Variants in RNF150 observed in about 807,000 individuals in gnomAD.
The protein encoded by RNF150 is ring finger protein 150.
RNF150 carries 24 observed loss-of-function variants against 39.3 expected under a neutral mutation model. The ratio of observed to expected loss-of-function variants is 0.61; its 90% confidence interval spans 0.44 to 0.86. RNF150 has a LOEUF of 0.86. Ranked by LOEUF, RNF150 falls within the 40% of genes least tolerant of loss-of-function variation. RNF150 has a pLI of 0.00. For missense variants in RNF150, 502 were observed against 587.8 expected (o/e 0.85, Z 1.51); for synonymous variants, 255 against 227.3 (o/e 1.12, Z -1.10).
intron 1 of RNF150, among the ~76,000 whole-genome samples, chr4:141,202,074 G>C (rs910002403): frequency 1.3e-5 from 2 of 152,144 alleles, no homozygotes; most frequent in African/African-American, 4.8e-5. Context: ...ATAGTACCTT[G>C]AGCTTGGATT....
intron 6 of RNF150, among the ~76,000 whole-genome samples, chr4:140,907,054 T>G (rs1396652000): frequency 2.0e-5 from 3 of 152,212 alleles, no homozygotes; most frequent in Non-Finnish European, 4.4e-5. Flanking sequence ...ACTTCTCTCT[T>G]GAGTCTCCAA....
At chr4:141,197,131 A>T (rs1728213856) in intron 1 of RNF150, among the ~76,000 whole-genome samples, 1 of 152,208 alleles carries the variant, frequency 6.6e-6, no homozygotes, top group South Asian at 2.1e-4. Context: ...TGCTGTACAA[A>T]TGCCAGGCTG....
At chr4:141,170,013 C>A (rs1409735606) in intron 1 of RNF150, among the ~76,000 whole-genome samples, 1 of 152,044 alleles carries the variant, frequency 6.6e-6, no homozygotes, top group Non-Finnish European at 1.5e-5. Flanking sequence ...AAAATCCCAA[C>A]ATTAATATTT....
At chr4:140,871,707 A>G (rs1210407542) in intron 6 of RNF150, among the ~76,000 whole-genome samples, 1 of 152,148 alleles carries the variant, frequency 6.6e-6, no homozygotes, top group East Asian at 1.9e-4. Flanking sequence ...ACTCACTGCT[A>G]CCTACAGTGA....
chr4:140,870,751 GTC>G (rs1728902185), intron 6 of RNF150, among the ~76,000 whole-genome samples: 1 of 152,080 alleles, frequency 6.6e-6, no homozygotes, highest in African/African-American at 2.4e-5. Context: ...GGCTTGCTGT[GTC>G]TCTAGTCTAC....
chr4:140,954,215 T>G (rs995922056), intron 2 of RNF150, among the ~76,000 whole-genome samples: 7 of 152,018 alleles, frequency 4.6e-5, no homozygotes, highest in Admixed American at 6.6e-5. Flanking sequence ...ATGCTTCTTC[T>G]TCTTATTATT....
At chr4:141,097,612 T>C (rs1206982300) in intron 1 of RNF150, among the ~76,000 whole-genome samples, 1 of 152,152 alleles carries the variant, frequency 6.6e-6, no homozygotes, top group Non-Finnish European at 1.5e-5. Context: ...CTAGATATTG[T>C]GCTGTTTTTC....
chr4:141,046,825 A>G (rs1365758880), intron 1 of RNF150, among the ~76,000 whole-genome samples: 1 of 152,176 alleles, frequency 6.6e-6, no homozygotes. Flanking sequence ...TTCTTTAGAA[A>G]CAGATATAAG....
chr4:140,985,062 TTC>T (rs1188917353), intron 1 of RNF150, among the ~76,000 whole-genome samples: 3 of 152,170 alleles, frequency 2.0e-5, no homozygotes, highest in Non-Finnish European at 4.4e-5. Context: ...CAAAAATTAC[TTC>T]TCTCTTTTTT....
In RNF150 at chr4:141,086,012, A is replaced by T. The variant is rs199772822; in HGVS notation, c.484+46313T>A. On this transcript the variant is annotated intron_variant, in intron 1 of 6. Transcript: ENST00000515673. ...GCTTAATGCTAATGGAGCTTAAACG[A>T]TAAGTGAGAAGAGTTACACACACAC... is the stretch of plus-strand genomic sequence containing the variant. 3.2e-4 allele frequency among the ~76,000 whole-genome samples: 47 copies of T among 145,034 alleles called. No individual in the cohort carries two copies. In the East Asian group the frequency reaches 8.9e-3, roughly 28 times the overall value.
At chr4:140,961,269 C>T (rs1733012856) in intron 2 of RNF150, among the ~76,000 whole-genome samples, 2 of 152,230 alleles carry the variant, frequency 1.3e-5, no homozygotes, top group African/African-American at 4.8e-5. Flanking sequence ...TTGAAATGAT[C>T]TTCTCCAGGT....
intron 1 of RNF150, among the ~76,000 whole-genome samples, chr4:141,114,456 G>T (rs1739484179): frequency 1.3e-5 from 2 of 152,200 alleles, no homozygotes; most frequent in South Asian, 4.2e-4. Context: ...AAATCAGGAA[G>T]AAGTCAAATC....
At chr4:140,871,770 T>C (rs564535037) in intron 6 of RNF150, among the ~76,000 whole-genome samples, 4 of 152,316 alleles carry the variant, frequency 2.6e-5, no homozygotes, top group East Asian at 1.9e-4. Flanking sequence ...GCAGATTCCA[T>C]AGATTCATTC....
At chr4:141,142,274 A>G (rs1489235997) in intron 1 of RNF150, among the ~76,000 whole-genome samples, 1 of 152,176 alleles carries the variant, frequency 6.6e-6, no homozygotes, top group Non-Finnish European at 1.5e-5. Context: ...TGTTGTTTAA[A>G]TGAAAAAGAC....
chr4:140,921,336 A>T (rs71608414), intron 5 of RNF150, among the ~76,000 whole-genome samples: 19,233 of 151,658 alleles, frequency 0.13, 1,426 homozygotes, highest in Admixed American at 0.21. Context: ...AATACTATAA[A>T]CACCTCTACA....
intron 1 of RNF150, among the ~76,000 whole-genome samples, chr4:141,144,016 C>T (rs1474701192): frequency 6.6e-6 from 1 of 152,114 alleles, no homozygotes; most frequent in African/African-American, 2.4e-5. Context: ...TTTTTATACT[C>T]TCTGCCACTG....
chr4:140,919,290 C>T (rs367580733), intron 5 of RNF150, among the ~76,000 whole-genome samples: 1,524 of 127,644 alleles, frequency 0.012, 21 homozygotes, highest in South Asian at 0.02. Flanking sequence ...GAAAACCCCA[C>T]TGTCTCAGCC....
At chr4:140,929,709 T>C (rs531642253) in intron 4 of RNF150, among the ~76,000 whole-genome samples, 1 of 152,228 alleles carries the variant, frequency 6.6e-6, no homozygotes, top group South Asian at 2.1e-4. Flanking sequence ...GGCTGTAGTA[T>C]AGTTCTTCAA....
chr4:141,170,037 C>T (rs1034907309), intron 1 of RNF150, among the ~76,000 whole-genome samples: 1 of 152,030 alleles, frequency 6.6e-6, no homozygotes, highest in Non-Finnish European at 1.5e-5. Flanking sequence ...TTGCTCTAAA[C>T]TAAACATGAG....
Sources: allele counts gnomAD v4.1 joint callset (sites outside exome capture counted in the v4.1 genomes callset), GRCh38; gene constraint gnomAD v4.1.1; transcripts MANE v1.5; gene names NCBI Gene and HGNC (gene_info 2026-07-23, HGNC 2026-07-21).